Variants in SLC8A1 observed in about 807,000 individuals in gnomAD.
SLC8A1 encodes sodium/calcium exchanger 1.
Under a neutral mutation model 68.3 loss-of-function variants are expected in SLC8A1, and 18 were observed. The observed-to-expected ratio is 0.26, with a 90% CI of 0.18 to 0.39. The LOEUF (loss-of-function observed/expected upper bound fraction) is 0.39. SLC8A1 is among the 10% of genes least tolerant of loss of function. The pLI, the probability that SLC8A1 is intolerant of heterozygous loss-of-function variation, is 1.00. For missense variants in SLC8A1, 985 were observed against 1,156.7 expected, an observed-to-expected ratio of 0.85 and a Z score of 2.15; for synonymous variants, 475 against 415.5, an observed-to-expected ratio of 1.14 and a Z score of -1.74.
chr2:40,131,313 A>C (rs968861643), intron 7 of SLC8A1, among the ~76,000 whole-genome samples: 2 of 152,232 alleles, frequency 1.3e-5, no homozygotes, highest in South Asian at 4.1e-4. Context: ...AAGACTTTGC[A>C]TAACTTCTCT....
At chr2:40,396,765 A>C (rs1411617822) in intron 2 of SLC8A1, among the ~76,000 whole-genome samples, 5 of 108,544 alleles carry the variant, frequency 4.6e-5, no homozygotes, top group Non-Finnish European at 8.8e-5. Flanking sequence ...AAAAAAAAAA[A>C]AAAAAAAAAA....
chr2:40,463,217 A>AG (rs1378294313), intron 1 of SLC8A1, among the ~76,000 whole-genome samples: 2 of 152,156 alleles, frequency 1.3e-5, no homozygotes, highest in Non-Finnish European at 2.9e-5. Context: ...GAGGGAGTGA[A>AG]GTGAGTTCAG....
At chr2:40,182,134 A>G (rs979416544) in intron 2 of SLC8A1, among the ~76,000 whole-genome samples, 14 of 152,202 alleles carry the variant, frequency 9.2e-5, no homozygotes, top group African/African-American at 2.7e-4. Context: ...TCTGTTTACC[A>G]ACGGGAAACA....
At chr2:40,426,770 G>A (rs990488592) in intron 2 of SLC8A1, among the ~76,000 whole-genome samples, 6 of 151,908 alleles carry the variant, frequency 3.9e-5, no homozygotes, top group Non-Finnish European at 8.8e-5. Flanking sequence ...TTAACAACAC[G>A]CAGTACACTT....
intron 2 of SLC8A1, among the ~76,000 whole-genome samples, chr2:40,281,340 A>C (rs1379654517): frequency 6.6e-6 from 1 of 152,146 alleles, no homozygotes; most frequent in Non-Finnish European, 1.5e-5. Flanking sequence ...TCCATTTTAC[A>C]TAGTTTCTGG....
At chr2:40,249,712 C>A (rs565869983) in intron 2 of SLC8A1, among the ~76,000 whole-genome samples, 2 of 152,178 alleles carry the variant, frequency 1.3e-5, no homozygotes, top group South Asian at 2.1e-4. Context: ...TCTCATGTTG[C>A]AGGTAGTAAA....
chr2:40,401,111 C>T (rs1688597374), intron 2 of SLC8A1, among the ~76,000 whole-genome samples: 1 of 152,148 alleles, frequency 6.6e-6, no homozygotes, highest in South Asian at 2.1e-4. Context: ...AAATCATCAC[C>T]CAGAAATAAG....
At chr2:40,363,110 T>C (rs1024560751) in intron 2 of SLC8A1, among the ~76,000 whole-genome samples, 1 of 152,122 alleles carries the variant, frequency 6.6e-6, no homozygotes, top group African/African-American at 2.4e-5. Context: ...AATTTGTACA[T>C]CTGATCTAGA....
intron 2 of SLC8A1, chr2:40,251,163 C>G (rs987912141): frequency 6.6e-6 from 1 of 151,780 alleles, no homozygotes; most frequent in Non-Finnish European, 1.5e-5. Context: ...AAATGATTCT[C>G]TTTTTTGAAT....
chr2:40,341,546 C>T (rs1667697263), intron 2 of SLC8A1, among the ~76,000 whole-genome samples: 1 of 152,162 alleles, frequency 6.6e-6, no homozygotes, highest in Admixed American at 6.5e-5. Context: ...ATCTTCTATG[C>T]ATTAAGGATC....
intron 1 of SLC8A1, among the ~76,000 whole-genome samples, chr2:40,505,236 C>T (rs772213371): frequency 1.6e-4 from 25 of 151,646 alleles, no homozygotes; most frequent in Non-Finnish European, 3.0e-4. Flanking sequence ...CTAATGGGTA[C>T]AAAAATAGTT....
chr2:40,297,939 G>A (rs752825533), intron 2 of SLC8A1, among the ~76,000 whole-genome samples: 8 of 152,108 alleles, frequency 5.3e-5, no homozygotes, highest in Non-Finnish European at 1.0e-4. Flanking sequence ...GAGTGCAGTG[G>A]TGCGATCTCG....
Position 40,314,715 on chromosome 2 carries a change from C to G in SLC8A1, c.1808+113758G>C, listed in dbSNP as rs554072325. 3.2e-4 allele frequency among the ~76,000 whole-genome samples: 48 copies of G among 152,098 alleles called. No homozygotes were observed. The Middle Eastern group carries it at 0.017, about 54-fold the overall frequency. ...TAATTTTCAGTGTACAAGTCTTGCC[C>G]ATCTTTTGGTCAGATTTATCCCCAA... On this transcript the variant is annotated intron_variant, in intron 2 of 7. Coordinates refer to ENST00000406785, the Ensembl canonical transcript of SLC8A1.
chr2:40,398,882 G>A (rs1398720230), intron 2 of SLC8A1, among the ~76,000 whole-genome samples: 1 of 152,160 alleles, frequency 6.6e-6, no homozygotes, highest in Non-Finnish European at 1.5e-5. Context: ...AGAAGCAACA[G>A]ATTCTGATGT....
intron 2 of SLC8A1, among the ~76,000 whole-genome samples, chr2:40,197,630 C>T (rs576350500): frequency 6.6e-6 from 1 of 152,078 alleles, no homozygotes; most frequent in East Asian, 1.9e-4. Context: ...CTTCCATTTT[C>T]CAAACTCTTA....
At chr2:40,448,077 A>G (rs1465842161) in intron 1 of SLC8A1, among the ~76,000 whole-genome samples, 1 of 152,252 alleles carries the variant, frequency 6.6e-6, no homozygotes, top group Non-Finnish European at 1.5e-5. Flanking sequence ...AAATCACTTG[A>G]GGCAGCAAGG....
chr2:40,367,799 T>C lies in SLC8A1; in HGVS notation c.1808+60674A>G, dbSNP rs76059348. On this transcript the variant is annotated intron_variant, in intron 2 of 7. Coordinates refer to ENST00000406785, the Ensembl canonical transcript of SLC8A1. ...CCTTCTGTTAAAATGCAGCCTAGGA[T>C]TACACTAGCTTTGTTCACAGCCACG... Among the ~76,000 whole-genome samples, 31 of 152,110 alleles carry C rather than the reference T, an allele frequency of 2.0e-4. No homozygotes were observed. In the East Asian group the frequency reaches 5.8e-3, roughly 29 times the overall value.
At chr2:40,416,597 T>C (rs1693962784) in intron 2 of SLC8A1, among the ~76,000 whole-genome samples, 1 of 152,082 alleles carries the variant, frequency 6.6e-6, no homozygotes, top group Non-Finnish European at 1.5e-5. Flanking sequence ...ATTATTTACT[T>C]CAATGCCTTA....
chr2:40,432,011 C>T (rs981738949), intron 1 of SLC8A1, among the ~76,000 whole-genome samples: 1 of 151,992 alleles, frequency 6.6e-6, no homozygotes, highest in African/African-American at 2.4e-5. Context: ...AAGTAAAAGG[C>T]TGAAAAATAG....
Sources: gnomAD v4.1 joint callset for allele counts (sites outside exome capture counted in the v4.1 genomes callset) on GRCh38, gnomAD v4.1.1 for gene constraint, MANE v1.5 for transcripts, NCBI Gene and HGNC (gene_info 2026-07-23, HGNC 2026-07-21) for gene names.